SLC27A6: variants seen among roughly 807,000 people sequenced by gnomAD.
SLC27A6 encodes solute carrier family 27 member 6.
SLC27A6 carries 74 observed loss-of-function variants against 63.9 expected under a neutral mutation model. That is an observed-to-expected ratio of 1.16 (90% CI 0.96 to 1.40). The LOEUF (loss-of-function observed/expected upper bound fraction) is 1.40, where lower values mean the gene tolerates loss of function less well. Among genes scored for constraint, SLC27A6 ranks in the 40% most tolerant of loss-of-function variants. The pLI is 0.00. For missense variants in SLC27A6, 794 were observed against 732.9 expected (o/e 1.08, Z -0.96); for synonymous variants, 287 against 260.8 (o/e 1.10, Z -0.97).
chr5:128,969,892 C>G (rs1223166174), intron 1 of SLC27A6, among the ~76,000 whole-genome samples: 2 of 152,110 alleles, frequency 1.3e-5, no homozygotes, highest in African/African-American at 4.8e-5. Context: ...ATGATATTGG[C>G]TATGGATTTG....
rs748183460 is a variant in SLC27A6 at position 128,990,334 on chromosome 5, T to TTA, written c.845-3_845-2dup. On this transcript the variant is annotated splice_region_variant and splice_polypyrimidine_tract_variant and intron_variant, in intron 3 of 9. Coordinates refer to ENST00000262462, the MANE Select transcript of SLC27A6 (RefSeq NM_001017372.3). Reference sequence around the variant, plus strand: ...CCCTAGTGCCTGTTTTTGTCTTTTCTTATAGGTGCCACTTGTGTGTTAAAG... The same window carrying TTA: ...CCCTAGTGCCTGTTTTTGTCTTTTCTTATATAGGTGCCACTTGTGTGTTAAAG... 2 of 1,610,094 alleles carry TTA rather than the reference T, an allele frequency of 1.2e-6. No individual in the cohort carries two copies. Among genetic ancestry groups the TTA allele is most frequent in the South Asian group, 2.2e-5 (2 of 89,612 alleles).
At chr5:128,997,282 A>AT (rs779600783) in intron 4 of SLC27A6, among the ~76,000 whole-genome samples, 19 of 152,226 alleles carry the variant, frequency 1.2e-4, no homozygotes, top group Admixed American at 2.0e-4. Flanking sequence ...ACATTTATAT[A>AT]TTTTTTATTA....
At chr5:128,971,229 A>G (rs957882631) in intron 1 of SLC27A6, among the ~76,000 whole-genome samples, 3 of 152,140 alleles carry the variant, frequency 2.0e-5, no homozygotes, top group African/African-American at 7.2e-5. Context: ...AAGAATGTAT[A>G]TTCTGTTGAT....
intron 3 of SLC27A6, 82 bp downstream of exon 3, chr5:128,988,840 C>A: frequency 8.7e-7 from 1 of 1,152,976 alleles, no homozygotes; most frequent in Non-Finnish European, 1.2e-6. Context: ...GAAGCTGTAT[C>A]GGTAGAATTT....
chr5:129,032,470 A>G (rs1452202010), intron 9 of SLC27A6, among the ~76,000 whole-genome samples: 1 of 152,008 alleles, frequency 6.6e-6, no homozygotes, highest in Non-Finnish European at 1.5e-5. Flanking sequence ...TGCAAAGATA[A>G]TGACATCATT....
chr5:128,989,740 C>A (rs575089691), intron 3 of SLC27A6, among the ~76,000 whole-genome samples: 2 of 151,754 alleles, frequency 1.3e-5, no homozygotes, highest in Non-Finnish European at 2.9e-5. Flanking sequence ...CTGGCTAACA[C>A]GGTGAAACCC....
chr5:128,977,160 C>T (rs1750419461), intron 1 of SLC27A6, among the ~76,000 whole-genome samples: 1 of 152,206 alleles, frequency 6.6e-6, no homozygotes, highest in Non-Finnish European at 1.5e-5. Context: ...TCATGTGTAT[C>T]ATAGTTTTTA....
intron 6 of SLC27A6, 110 bp from the exon 7 acceptor site, chr5:129,027,023 T>G: frequency 9.4e-6 from 8 of 849,404 alleles, no homozygotes; most frequent in African/African-American, 1.7e-5. Context: ...CAGAGGAAGC[T>G]GAGATAAGCA....
chr5:129,023,104 G>T (rs780872591), intron 5 of SLC27A6, among the ~76,000 whole-genome samples: 7 of 152,076 alleles, frequency 4.6e-5, no homozygotes, highest in Non-Finnish European at 7.4e-5. Flanking sequence ...AAGGCTTAGG[G>T]GAAAAGGACA....
At chr5:128,979,482 T>C (rs1750509545) in intron 1 of SLC27A6, among the ~76,000 whole-genome samples, 1 of 152,178 alleles carries the variant, frequency 6.6e-6, no homozygotes, top group African/African-American at 2.4e-5. Context: ...ATTCACTGCG[T>C]TTTAAAAATA....
chr5:128,990,138 T>A (rs903653038), intron 3 of SLC27A6, among the ~76,000 whole-genome samples: 3 of 152,196 alleles, frequency 2.0e-5, no homozygotes, highest in Non-Finnish European at 4.4e-5. Context: ...CAGTCAAAAT[T>A]TAGAATTACA....
chr5:128,984,630 C>G (rs999031108), intron 1 of SLC27A6, among the ~76,000 whole-genome samples: 1 of 152,222 alleles, frequency 6.6e-6, no homozygotes, highest in Non-Finnish European at 1.5e-5. Context: ...GGAGTCCCCA[C>G]TCACTTAACT....
intron 1 of SLC27A6, among the ~76,000 whole-genome samples, chr5:128,981,817 C>CTT (rs1554096467): frequency 1.6e-4 from 23 of 146,448 alleles, no homozygotes; most frequent in African/African-American, 5.5e-4. Context: ...CTTTTCTTTT[C>CTT]TTTTTTTTTT....
At chr5:128,983,062 A>G (rs140726034) in intron 1 of SLC27A6, among the ~76,000 whole-genome samples, 1 of 152,272 alleles carries the variant, frequency 6.6e-6, no homozygotes, top group East Asian at 1.9e-4. Flanking sequence ...AATGTATTTC[A>G]TTGTAGTAGA....
chr5:128,988,860 A>T, intron 3 of SLC27A6, 102 bp downstream of exon 3: 1 of 811,750 alleles, frequency 1.2e-6, no homozygotes, highest in Non-Finnish European at 1.9e-6. Flanking sequence ...TAGAGTGATT[A>T]TATGCATATT....
At chr5:129,012,903 T>C (rs1751771876) in intron 4 of SLC27A6, among the ~76,000 whole-genome samples, 3 of 152,118 alleles carry the variant, frequency 2.0e-5, no homozygotes, top group Admixed American at 2.0e-4. Context: ...AGTTTTTTTT[T>C]CCATGATTAC....
At chr5:128,988,781 A>G (rs372619489) in intron 3 of SLC27A6, 23 bp downstream of exon 3, 1 of 1,578,854 alleles carries the variant, frequency 6.3e-7, no homozygotes. Flanking sequence ...TTTCTTTTTG[A>G]TAAGTTTTCA....
At chr5:129,004,201 A>AT (rs909823322) in intron 4 of SLC27A6, among the ~76,000 whole-genome samples, 1 of 152,108 alleles carries the variant, frequency 6.6e-6, no homozygotes, top group African/African-American at 2.4e-5. Flanking sequence ...TTCCTCTCAC[A>AT]GTGTGAGTCC....
chr5:129,026,720 C>G (rs1290809752), intron 6 of SLC27A6, among the ~76,000 whole-genome samples: 1 of 152,056 alleles, frequency 6.6e-6, no homozygotes, highest in African/African-American at 2.4e-5. Context: ...GCAAAGGGCT[C>G]ATGGTAAATG....
Sources: gnomAD v4.1 joint callset for allele counts (sites outside exome capture counted in the v4.1 genomes callset) on GRCh38, gnomAD v4.1.1 for gene constraint, MANE v1.5 for transcripts, NCBI Gene and HGNC (gene_info 2026-07-23, HGNC 2026-07-21) for gene names.